Variants in ITGBL1 observed in about 807,000 individuals in gnomAD.
ITGBL1 encodes integrin beta-like protein 1.
A neutral mutation model predicts 68.5 loss-of-function variants in ITGBL1; 51 were observed. The ratio of observed to expected loss-of-function variants is 0.74; its 90% CI spans 0.59 to 0.94. The LOEUF (loss-of-function observed/expected upper bound fraction) is 0.94, where lower values mean the gene tolerates loss of function less well. ITGBL1 is among the 40% of genes least tolerant of loss of function. ITGBL1 has a pLI of 0.00. For missense variants in ITGBL1, 649 were observed against 647.4 expected (o/e 1.00, Z -0.03); for synonymous variants, 209 against 227.3 (o/e 0.92, Z 0.72).
At chr13:101,526,940 AAAT>A (rs1223755056) in intron 2 of ITGBL1, among the ~76,000 whole-genome samples, 1 of 152,012 alleles carries the variant, frequency 6.6e-6, no homozygotes, top group Non-Finnish European at 1.5e-5. Flanking sequence ...CACCCAAGAA[AAAT>A]AATAATTTCT....
chr13:101,479,821 A>G (rs143963508), intron 2 of ITGBL1, among the ~76,000 whole-genome samples: 101 of 152,010 alleles, frequency 6.6e-4, no homozygotes, highest in Non-Finnish European at 5.7e-4. Context: ...TCCCACCAAC[A>G]GTGTATGAGA....
intron 4 of ITGBL1, 57 bp downstream of exon 4, chr13:101,575,603 C>G: frequency 6.5e-7 from 1 of 1,545,668 alleles, no homozygotes; most frequent in Non-Finnish European, 8.9e-7. Context: ...TCACCTATTT[C>G]ATTGTTCTTT....
At chr13:101,489,638 TGTAAATAATGCCAGGGAA>T (rs1460798516) in intron 2 of ITGBL1, among the ~76,000 whole-genome samples, 5 of 152,204 alleles carry the variant, frequency 3.3e-5, no homozygotes, top group Non-Finnish European at 5.9e-5. Context: ...AAAGAGTGAA[TGTAAATAATGCCAGGGAA>T]GTATGCTTTT....
In ITGBL1 at chr13:101,575,455, T is replaced by C; in HGVS notation, c.495T>C (p.Asp165=). The change falls in exon 4 of 11, where the codon GAT becomes GAC. Residue 165 remains aspartate, a synonymous_variant. Transcript: ENST00000376180. ...GTCHCGRCKC[D]NSDGSGLVYG... is the part of the protein sequence containing the mutation. ...GTCACTGTGGCAGGTGTAAGTGTGA[T>C]AATTCAGATGGAAGTGGACTTGTGT... 1 of 1,613,196 alleles carries C rather than the reference T, an allele frequency of 6.2e-7. No homozygotes were observed. The highest frequency in any genetic ancestry group is 1.7e-5 in the Admixed American group (1 of 59,994).
intron 7 of ITGBL1, among the ~76,000 whole-genome samples, chr13:101,624,738 A>G (rs919492920): frequency 6.6e-6 from 1 of 152,208 alleles, no homozygotes; most frequent in African/African-American, 2.4e-5. Flanking sequence ...AGCCACCCAC[A>G]GATTCCCTTT....
chr13:101,485,671 A>AGTCCCAGC (rs1339829921), intron 2 of ITGBL1, among the ~76,000 whole-genome samples: 1 of 152,156 alleles, frequency 6.6e-6, no homozygotes, highest in Non-Finnish European at 1.5e-5. Flanking sequence ...AGGCGCCCGT[A>AGTCCCAGC]GTCCCAGCTG....
At chr13:101,655,025 G>A (rs1488740352) in intron 7 of ITGBL1, among the ~76,000 whole-genome samples, 2 of 152,148 alleles carry the variant, frequency 1.3e-5, no homozygotes, top group East Asian at 3.9e-4. Context: ...CAGAGGAGAA[G>A]GGGCCACGAG....
At chr13:101,471,532 ATGTG>A (rs150659546) in intron 2 of ITGBL1, among the ~76,000 whole-genome samples, 5,955 of 110,434 alleles carry the variant, frequency 0.054, 155 homozygotes, top group African/African-American at 0.076. Context: ...GTGTGTATGT[ATGTG>A]TGTGTGTGTG....
intron 9 of ITGBL1, chr13:101,710,933 T>G (rs1374368750): frequency 1.3e-5 from 2 of 152,234 alleles, no homozygotes; most frequent in Non-Finnish European, 1.5e-5. Flanking sequence ...AGTACAATAG[T>G]GAAAACTGCC....
intron 3 of ITGBL1, among the ~76,000 whole-genome samples, chr13:101,570,913 G>A (rs553876249): frequency 1.3e-5 from 2 of 152,272 alleles, no homozygotes; most frequent in African/African-American, 2.4e-5. Flanking sequence ...AACTGGCTTA[G>A]TCTGCTCAGG....
intron 9 of ITGBL1, among the ~76,000 whole-genome samples, chr13:101,709,117 G>A (rs1354574033): frequency 1.3e-5 from 2 of 152,056 alleles, no homozygotes; most frequent in African/African-American, 2.4e-5. Context: ...TGTAATCCCA[G>A]CACTTTGGGA....
chr13:101,694,827 C>A (rs186275830), intron 8 of ITGBL1, among the ~76,000 whole-genome samples: 15 of 152,310 alleles, frequency 9.8e-5, no homozygotes, highest in African/African-American at 2.6e-4. Flanking sequence ...GATTGATCAG[C>A]AATCAGTCAT....
chr13:101,492,054 C>G (rs1340629426), intron 2 of ITGBL1, among the ~76,000 whole-genome samples: 2 of 152,120 alleles, frequency 1.3e-5, no homozygotes, highest in Non-Finnish European at 2.9e-5. Flanking sequence ...TGGGTTCGTT[C>G]CAAGTCTTTG....
intron 2 of ITGBL1, among the ~76,000 whole-genome samples, chr13:101,526,213 T>C (rs532008035): frequency 1.6e-3 from 237 of 151,190 alleles, no homozygotes; most frequent in Non-Finnish European, 2.7e-3. Flanking sequence ...CGTGCAAGTT[T>C]GTTACATAGG....
chr13:101,471,503 A>G (rs59951861), intron 2 of ITGBL1, among the ~76,000 whole-genome samples: 1,524 of 137,198 alleles, frequency 0.011, 24 homozygotes, highest in African/African-American at 0.04. Flanking sequence ...AGGCAACACA[A>G]ATATATATGT....
At chr13:101,598,368 A>G in intron 7 of ITGBL1, 69 bp downstream of exon 7, 1 of 1,195,370 alleles carries the variant, frequency 8.4e-7, no homozygotes, top group Non-Finnish European at 1.1e-6. Flanking sequence ...ATGCACACAC[A>G]TCTTTTTGTT....
At chr13:101,489,702 G>C (rs910945494) in intron 2 of ITGBL1, among the ~76,000 whole-genome samples, 5 of 152,206 alleles carry the variant, frequency 3.3e-5, no homozygotes, top group African/African-American at 1.2e-4. Flanking sequence ...TGAAAGAAGA[G>C]AGTTAGGGAA....
intron 7 of ITGBL1, among the ~76,000 whole-genome samples, chr13:101,660,802 C>T (rs1448556875): frequency 6.6e-6 from 1 of 152,172 alleles, no homozygotes; most frequent in African/African-American, 2.4e-5. Flanking sequence ...AGTTTCAAGA[C>T]CTCTCTATTG....
At chr13:101,588,447 A>G (rs1402624000) in intron 6 of ITGBL1, among the ~76,000 whole-genome samples, 2 of 152,128 alleles carry the variant, frequency 1.3e-5, no homozygotes, top group Admixed American at 1.3e-4. Flanking sequence ...CTGCCTACAC[A>G]GTTTAAAGGA....
Sources: allele counts gnomAD v4.1 joint callset (sites outside exome capture counted in the v4.1 genomes callset), GRCh38; gene constraint gnomAD v4.1.1; transcripts MANE v1.5; gene names NCBI Gene and HGNC (gene_info 2026-07-23, HGNC 2026-07-21).